The following BHLHE23 variants were observed in gnomAD, a reference collection of about 807,000 sequenced individuals.
The protein encoded by BHLHE23 is class E basic helix-loop-helix protein 23.
For synonymous variants in BHLHE23, 204 were observed against 184.4 expected (o/e 1.11, Z -0.86); for missense variants, 401 against 380.0 (o/e 1.06, Z -0.46).
At position 63,006,453 on chromosome 20, in the gene BHLHE23, G is replaced by A; in HGVS notation, c.322C>T (p.Arg108Trp). 1.4e-6 allele frequency: 2 copies of A among 1,439,332 alleles called. No homozygotes were observed. Among genetic ancestry groups the A allele is most frequent in the African/African-American group, 1.5e-5 (1 of 66,918 alleles). The allele number at this position is 1,439,332 out of a possible 1,614,324, so 89.2% of individuals were successfully genotyped here. The change falls in exon 1 of 1, where the codon CGG (arginine) becomes TGG (tryptophan). Residue 108 changes from arginine (R) to tryptophan (W), a missense_variant. Physicochemically the swap from Arg to Trp is moderately radical, Grantham distance 101 (BLOSUM62 -3). Coordinates refer to ENST00000612929, the MANE Select transcript of BHLHE23 (RefSeq NM_080606.4). ...GACCGCTGCTCTCGCGGCCGCCGCCGCCCGTCCGCCGCGCTCCCTGGCCCG... is the reference window on the plus strand; with the variant it reads ...GACCGCTGCTCTCGCGGCCGCCGCCACCCGTCCGCCGCGCTCCCTGGCCCG... ...RRGPGSAADG[R>W]RRPREQRSLR...
In BHLHE23 at chr20:63,006,717, G is replaced by T; in HGVS notation, c.58C>A (p.Leu20Ile). The change falls in exon 1 of 1, where the codon CTC becomes ATC. Residue 20 changes from leucine (L) to isoleucine (I), a missense_variant. Coordinates refer to ENST00000612929, the MANE Select transcript of BHLHE23 (RefSeq NM_080606.4). ...PSPGGAAMAE[L>I]KSLSGDAYLA... The stretch of plus-strand genomic sequence containing the variant: ...TACGCGTCCCCCGACAGCGACTTGA[G>T]CTCGGCCATGGCCGCGCCGCCTGGG... 7.4e-7 allele frequency: 1 copy of T among 1,345,382 alleles called. No individual in the cohort carries two copies. The highest frequency in any genetic ancestry group is 9.5e-7 in the Non-Finnish European group (1 of 1,050,532). 83.3% of individuals were successfully genotyped at this position (1,345,382 alleles called of 1,614,324 possible). A position where few individuals can be genotyped will look rare whatever the true frequency, so the allele number is the denominator to read the frequency against.
rs1026860754 is a variant in BHLHE23 at position 63,006,811 on chromosome 20, C to G, written c.-37G>C. 3 of 1,233,046 alleles carry G rather than the reference C, an allele frequency of 2.4e-6. No homozygotes were observed. The highest frequency in any genetic ancestry group is 3.0e-6 in the Non-Finnish European group (3 of 987,808). 76.4% of individuals were successfully genotyped at this position (1,233,046 alleles called of 1,614,324 possible). ...GCCCCCGAGGCCGGCCCGAGCCCGC[C>G]GCTGCCGCTGCCGCTGCGATGAGGC... On this transcript the variant is annotated 5_prime_UTR_variant, in exon 1 of 1. Transcript: ENST00000612929.
rs759489618 is a variant in BHLHE23 at position 63,006,264 on chromosome 20, C to A, written c.511G>T (p.Ala171Ser). Residue 171 changes from alanine to serine, a missense_variant, in exon 1 of 1, where the codon GCG (alanine) becomes TCG (serine). Coordinates refer to ENST00000612929, the MANE Select transcript of BHLHE23 (RefSeq NM_080606.4). ...LLAKNYILMQ[A>S]QALDEMRRLV... ...CGCCGCATCTCGTCCAGGGCCTGCG[C>A]CTGCATGAGGATATAGTTCTTGGCG... 2.0e-5 allele frequency: 32 copies of A among 1,611,176 alleles called. No individual in the cohort carries two copies. Among genetic ancestry groups the A allele is most frequent in the Non-Finnish European group, 6.8e-6 (8 of 1,179,734 alleles).
In BHLHE23 at chr20:63,006,644, T is replaced by C; in HGVS notation, c.131A>G (p.Tyr44Cys). The C allele has an allele frequency of 1.5e-6, 2 of 1,367,930 alleles. No homozygotes were observed. The highest frequency in any genetic ancestry group is 1.9e-6 in the Non-Finnish European group (2 of 1,060,708). The allele number at this position is 1,367,930 out of a possible 1,614,324, so 84.7% of individuals were successfully genotyped here. Residue 44 changes from tyrosine (Y) to cysteine (C), a missense_variant, in exon 1 of 1, where the codon TAC (tyrosine) becomes TGC (cysteine). Physicochemically the swap from Tyr to Cys is radical, Grantham distance 194 (BLOSUM62 -2). Transcript: ENST00000612929. Reference protein sequence around the residue: ...GYAAAAAGLAYGAAREPEAAR... With the variant: ...GYAAAAAGLACGAAREPEAAR... ...CGCTTCGGGTTCTCGCGCCGCCCCG[T>C]AGGCGAGACCCGCAGCCGCCGCCGC...
Position 63,006,551 on chromosome 20 carries a change from G to A in BHLHE23, c.224C>T (p.Ala75Val). 6 of 1,290,182 alleles carry A rather than the reference G, an allele frequency of 4.7e-6. No individual in the cohort carries two copies. Among genetic ancestry groups the A allele is most frequent in the Non-Finnish European group, 5.9e-6 (6 of 1,025,350 alleles). 79.9% of individuals were successfully genotyped at this position (1,290,182 alleles called of 1,614,324 possible). A position where few individuals can be genotyped will look rare whatever the true frequency, so the allele number is the denominator to read the frequency against. ...LPAAPAPRAPAQAAESSGEQS... is the reference protein window; with the variant it reads ...LPAAPAPRAPVQAAESSGEQS... The stretch of plus-strand genomic sequence containing the variant: ...TTCGCCGCTGCTCTCCGCCGCCTGA[G>A]CTGGGGCGCGAGGTGCAGGCGCCGC... The change falls in exon 1 of 1, where the codon GCT (alanine) becomes GTT (valine). Residue 75 changes from alanine (A) to valine (V), a missense_variant. Transcript: ENST00000612929.
Position 63,006,416 on chromosome 20 carries a change from C to T in BHLHE23, c.359G>A (p.Ser120Asn). The change falls in exon 1 of 1, where the codon AGC becomes AAC. Residue 120 changes from serine (S) to asparagine (N), a missense_variant. Transcript: ENST00000612929. ...RPREQRSLRL[S>N]INARERRRMH... Reference sequence around the variant, plus strand: ...GCGCCGCCGCTCGCGCGCGTTGATGCTGAGCCGCAGAGACCGCTGCTCTCG... The same window carrying T: ...GCGCCGCCGCTCGCGCGCGTTGATGTTGAGCCGCAGAGACCGCTGCTCTCG... 1 of 1,571,574 alleles carries T rather than the reference C, an allele frequency of 6.4e-7. No individual in the cohort carries two copies.
chr20:63,006,953 G>T lies in BHLHE23; in HGVS notation c.-179C>A, dbSNP rs112851667. ...TCTCCCTCCCAGCCGCGACGCGCAG[G>T]GGGCGGGCTCTACCTCCCCCTCGCC... On this transcript the variant is annotated 5_prime_UTR_variant, in exon 1 of 1. Coordinates refer to ENST00000612929, the MANE Select transcript of BHLHE23 (RefSeq NM_080606.4). 3,441 of 1,104,214 alleles carry T rather than the reference G, an allele frequency of 3.1e-3. 75 individuals carry two copies. In the African/African-American group the frequency reaches 0.046, roughly 15 times the overall value. 68.4% of individuals were successfully genotyped at this position (1,104,214 alleles called of 1,614,324 possible).
At position 63,006,527 on chromosome 20, in the gene BHLHE23, T is replaced by A; in HGVS notation, c.248A>T (p.Glu83Val). 37 of 1,299,798 alleles carry A rather than the reference T, an allele frequency of 2.8e-5. No individual in the cohort carries two copies. Among genetic ancestry groups the A allele is most frequent in the Non-Finnish European group, 3.6e-5 (37 of 1,032,674 alleles). 80.5% of individuals were successfully genotyped at this position (1,299,798 alleles called of 1,614,324 possible). Residue 83 changes from glutamate to valine, a missense_variant, in exon 1 of 1, where the codon GAA becomes GTA. Coordinates refer to ENST00000612929, the MANE Select transcript of BHLHE23 (RefSeq NM_080606.4). ...GGCGTCGTCCTCGTCCCCGCTCTGT[T>A]CGCCGCTGCTCTCCGCCGCCTGAGC... ...APAQAAESSG[E>V]QSGDEDDAFE...
In BHLHE23 at chr20:63,006,047, G is replaced by A. The variant is rs2065789197; in HGVS notation, c.*2C>T. 3 of 1,511,704 alleles carry A rather than the reference G, an allele frequency of 2.0e-6. No homozygotes were observed. In the South Asian group the frequency reaches 3.8e-5, roughly 19 times the overall value. The allele number at this position is 1,511,704 out of a possible 1,614,324, so 93.6% of individuals were successfully genotyped here. A position where few individuals can be genotyped will look rare whatever the true frequency, so the allele number is the denominator to read the frequency against. On this transcript the variant is annotated 3_prime_UTR_variant, in exon 1 of 1. Coordinates refer to ENST00000612929, the MANE Select transcript of BHLHE23 (RefSeq NM_080606.4). ...GTGCGGGAGGGCCGGGGGCCCGCGC[G>A]GTCACGGCTTCTCGTGACAGTGTTT...
In BHLHE23 at chr20:63,006,427, A is replaced by T; in HGVS notation, c.348T>A (p.Ser116=). 1 of 1,526,128 alleles carries T rather than the reference A, an allele frequency of 6.6e-7. No individual in the cohort carries two copies. The highest frequency in any genetic ancestry group is 8.7e-7 in the Non-Finnish European group (1 of 1,147,710). The allele number at this position is 1,526,128 out of a possible 1,614,324, so 94.5% of individuals were successfully genotyped here. ...DGRRRPREQR[S]LRLSINARER... ...CGCGCGCGTTGATGCTGAGCCGCAG[A>T]GACCGCTGCTCTCGCGGCCGCCGCC... The change falls in exon 1 of 1, where the codon TCT becomes TCA. Residue 116 remains serine (S), a synonymous_variant. Coordinates refer to ENST00000612929, the MANE Select transcript of BHLHE23 (RefSeq NM_080606.4).
chr20:63,006,795 G>A lies in BHLHE23; in HGVS notation c.-21C>T. 3 of 1,238,798 alleles carry A rather than the reference G, an allele frequency of 2.4e-6. No homozygotes were observed. Among genetic ancestry groups the A allele is most frequent in the Non-Finnish European group, 3.0e-6 (3 of 991,244 alleles). The allele number at this position is 1,238,798 out of a possible 1,614,324, so 76.7% of individuals were successfully genotyped here. ...CTCATGTGGGTGAGCAGCCCCCGAG[G>A]CCGGCCCGAGCCCGCCGCTGCCGCT... On this transcript the variant is annotated 5_prime_UTR_variant, in exon 1 of 1. Coordinates refer to ENST00000612929, the MANE Select transcript of BHLHE23 (RefSeq NM_080606.4).
In BHLHE23 at chr20:63,006,052, C is replaced by A; in HGVS notation, c.723G>T (p.Pro241=). 1 of 1,520,506 alleles carries A rather than the reference C, an allele frequency of 6.6e-7. No homozygotes were observed. 94.2% of individuals were successfully genotyped at this position (1,520,506 alleles called of 1,614,324 possible). A position where few individuals can be genotyped will look rare whatever the true frequency, so the allele number is the denominator to read the frequency against. The change falls in exon 1 of 1, where the codon CCG becomes CCT. Residue 241 remains proline, a synonymous_variant. Transcript: ENST00000612929. ...SALCKHCHEK[P] ...GGAGGGCCGGGGGCCCGCGCGGTCACGGCTTCTCGTGACAGTGTTTGCAAA... is the reference window on the plus strand; with the variant it reads ...GGAGGGCCGGGGGCCCGCGCGGTCAAGGCTTCTCGTGACAGTGTTTGCAAA...
chr20:63,006,791 C>T lies in BHLHE23; in HGVS notation c.-17G>A. On this transcript the variant is annotated 5_prime_UTR_variant, in exon 1 of 1. Transcript: ENST00000612929. ...GATGCTCATGTGGGTGAGCAGCCCC[C>T]GAGGCCGGCCCGAGCCCGCCGCTGC... 2 of 1,243,900 alleles carry T rather than the reference C, an allele frequency of 1.6e-6. No individual in the cohort carries two copies. Among genetic ancestry groups the T allele is most frequent in the African/African-American group, 1.6e-5 (1 of 64,148 alleles). The allele number at this position is 1,243,900 out of a possible 1,614,324, so 77.1% of individuals were successfully genotyped here. A position where few individuals can be genotyped will look rare whatever the true frequency, so the allele number is the denominator to read the frequency against.
At position 63,006,330 on chromosome 20, in the gene BHLHE23, G is replaced by C; in HGVS notation, c.445C>G (p.Pro149Ala). ...LRAVIPYAHS[P>A]SVRKLSKIAT... ...ATCTTGGAGAGCTTGCGCACCGACG[G>C]GCTGTGCGCGTAGGGGATGACGGCT... The change falls in exon 1 of 1, where the codon CCG (proline) becomes GCG (alanine). Residue 149 changes from proline (P) to alanine (A), a missense_variant. Coordinates refer to ENST00000612929, the MANE Select transcript of BHLHE23 (RefSeq NM_080606.4). The C allele has an allele frequency of 6.2e-7, 1 of 1,611,168 alleles. No homozygotes were observed. Among genetic ancestry groups the C allele is most frequent in the Non-Finnish European group, 8.5e-7 (1 of 1,179,694 alleles).
chr20:63,006,860 G>A lies in BHLHE23; in HGVS notation c.-86C>T, dbSNP rs2065794101. 8.2e-7 allele frequency: 1 copy of A among 1,223,168 alleles called. No individual in the cohort carries two copies. The highest frequency in any genetic ancestry group is 4.1e-5 in the South Asian group (1 of 24,544). The allele number at this position is 1,223,168 out of a possible 1,614,324, so 75.8% of individuals were successfully genotyped here. A position where few individuals can be genotyped will look rare whatever the true frequency, so the allele number is the denominator to read the frequency against. On this transcript the variant is annotated 5_prime_UTR_variant, in exon 1 of 1. Transcript: ENST00000612929. The stretch of plus-strand genomic sequence containing the variant: ...GCTCCCGGCTCTGCGCGTCGGTCTG[G>A]CTTGCCTGCGGGTCCCAGAGCCTCG...
In BHLHE23 at chr20:63,006,704, G is replaced by C. The variant is rs1051081183; in HGVS notation, c.71C>G (p.Ser24Trp). The C allele has an allele frequency of 2.1e-5, 29 of 1,364,252 alleles. No individual in the cohort carries two copies. In the African/African-American group the frequency reaches 4.1e-4, roughly 19 times the overall value. The allele number at this position is 1,364,252 out of a possible 1,614,324, so 84.5% of individuals were successfully genotyped here. ...GCTTAGTGCCAGGTACGCGTCCCCC[G>C]ACAGCGACTTGAGCTCGGCCATGGC... ...GAAMAELKSLSGDAYLALSHG... is the reference protein window; with the variant it reads ...GAAMAELKSLWGDAYLALSHG... Residue 24 changes from serine to tryptophan, a missense_variant, in exon 1 of 1, where the codon TCG becomes TGG. Transcript: ENST00000612929.
Position 63,006,364 on chromosome 20 carries a change from G to T in BHLHE23, c.411C>A (p.Asp137Glu). 1 of 1,607,756 alleles carries T rather than the reference G, an allele frequency of 6.2e-7. No homozygotes were observed. Among genetic ancestry groups the T allele is most frequent in the Non-Finnish European group, 8.5e-7 (1 of 1,179,312 alleles). The part of the protein sequence containing the change: ...RRMHDLNDAL[D>E]GLRAVIPYAH... ...CGTAGGGGATGACGGCTCGCAGCCCGTCCAGCGCGTCGTTTAGGTCGTGCA... is the reference window on the plus strand; with the variant it reads ...CGTAGGGGATGACGGCTCGCAGCCCTTCCAGCGCGTCGTTTAGGTCGTGCA... Residue 137 changes from aspartate (D) to glutamate (E), a missense_variant, in exon 1 of 1, where the codon GAC (aspartate) becomes GAA (glutamate). Transcript: ENST00000612929.
chr20:63,006,034 CG>C lies in BHLHE23; in HGVS notation c.*14del. ...GATCGGAGGACGCGTGCGGGAGGGC[CG>C]GGGGCCCGCGCGGTCACGGCTTCTC... is the stretch of plus-strand genomic sequence containing the variant. On this transcript the variant is annotated 3_prime_UTR_variant, in exon 1 of 1. Coordinates refer to ENST00000612929, the MANE Select transcript of BHLHE23 (RefSeq NM_080606.4). The C allele has an allele frequency of 9.3e-6, 14 of 1,500,538 alleles. No individual in the cohort carries two copies. Among genetic ancestry groups the C allele is most frequent in the South Asian group, 1.3e-5 (1 of 76,272 alleles). The allele number at this position is 1,500,538 out of a possible 1,614,324, so 93.0% of individuals were successfully genotyped here.
rs1194298195 is a variant in BHLHE23, at chr20:63,006,956, G to C, written c.-182C>G. 3 of 1,080,764 alleles carry C rather than the reference G, an allele frequency of 2.8e-6. No individual in the cohort carries two copies. Among genetic ancestry groups the C allele is most frequent in the Non-Finnish European group, 3.5e-6 (3 of 854,450 alleles). 66.9% of individuals were successfully genotyped at this position (1,080,764 alleles called of 1,614,324 possible). On this transcript the variant is annotated 5_prime_UTR_variant, in exon 1 of 1. Transcript: ENST00000612929. ...CCCTCCCAGCCGCGACGCGCAGGGG[G>C]CGGGCTCTACCTCCCCCTCGCCCCC...
Sources: gnomAD v4.1 joint callset for allele counts on GRCh38, gnomAD v4.1.1 for gene constraint, MANE v1.5 for transcripts, NCBI Gene and HGNC (gene_info 2026-07-23, HGNC 2026-07-21) for gene names.